GRIA4: variants seen among roughly 807,000 people sequenced by gnomAD.
GRIA4 encodes the protein glutamate ionotropic receptor AMPA type subunit 4, also known as glutamate receptor 4.
GRIA4 carries 34 observed loss-of-function variants against 104.0 expected under a neutral mutation model. The observed-to-expected ratio is 0.33, with a 90% CI of 0.25 to 0.44. The LOEUF (loss-of-function observed/expected upper bound fraction) is 0.44. Ranked by LOEUF, GRIA4 falls within the 20% of genes least tolerant of loss-of-function variation. The probability of loss-of-function intolerance (pLI) is 1.00; values close to 1 mark genes in which losing one functional copy is unlikely to be tolerated. For missense variants in GRIA4, 750 were observed against 1,096.5 expected, an observed-to-expected ratio of 0.68 and a Z score of 4.46; for synonymous variants, 386 against 381.9, an observed-to-expected ratio of 1.01 and a Z score of -0.13.
chr11:105,800,608 T>G (rs935772595), intron 4 of GRIA4, among the ~76,000 whole-genome samples: 2 of 152,056 alleles, frequency 1.3e-5, no homozygotes, highest in African/African-American at 4.8e-5. Context: ...AATTCAGACA[T>G]GACTAATCAA....
chr11:105,752,715 A>T (rs1940075995), intron 3 of GRIA4, among the ~76,000 whole-genome samples: 1 of 152,102 alleles, frequency 6.6e-6, no homozygotes, highest in Non-Finnish European at 1.5e-5. Context: ...ATTTTAGTCA[A>T]ATTTCCCTTT....
chr11:105,931,173 C>T (rs1301835572), intron 13 of GRIA4, among the ~76,000 whole-genome samples: 2 of 151,364 alleles, frequency 1.3e-5, no homozygotes, highest in Admixed American at 6.6e-5. Context: ...GATTTGGAAT[C>T]CAAGTACTCA....
intron 14 of GRIA4, among the ~76,000 whole-genome samples, chr11:105,957,563 C>G (rs1948623013): frequency 6.6e-6 from 1 of 152,076 alleles, no homozygotes; most frequent in Non-Finnish European, 1.5e-5. Flanking sequence ...CAGCTTTGTT[C>G]TTTTGGCTTA....
At chr11:105,686,621 CTGTTT>C (rs1391611332) in intron 3 of GRIA4, among the ~76,000 whole-genome samples, 1 of 152,104 alleles carries the variant, frequency 6.6e-6, no homozygotes, top group East Asian at 1.9e-4. Flanking sequence ...AATGGTAGCT[CTGTTT>C]TAAGTTTTTT....
chr11:105,925,622 T>C (rs1029512376), intron 12 of GRIA4, among the ~76,000 whole-genome samples: 1 of 152,078 alleles, frequency 6.6e-6, no homozygotes. Context: ...CCTAGGAAAA[T>C]TATAAATATG....
intron 4 of GRIA4, among the ~76,000 whole-genome samples, chr11:105,804,084 T>C (rs967242245): frequency 1.3e-5 from 2 of 152,000 alleles, no homozygotes; most frequent in Non-Finnish European, 2.9e-5. Flanking sequence ...TACCTACTTA[T>C]GCTTGATGCT....
At chr11:105,670,586 T>G (rs2135436092) in intron 3 of GRIA4, among the ~76,000 whole-genome samples, 1 of 152,284 alleles carries the variant, frequency 6.6e-6, no homozygotes, top group South Asian at 2.1e-4. Context: ...AAATCTTCAA[T>G]TCTAAATACC....
At position 105,786,567 on chromosome 11, in the gene GRIA4, C is replaced by T. The variant is rs578211009; in HGVS notation, c.487+33347C>T. Among the ~76,000 whole-genome samples, 41 of 152,170 alleles carry T rather than the reference C, an allele frequency of 2.7e-4. No individual in the cohort carries two copies. In the South Asian group the frequency reaches 5.4e-3, roughly 20 times the overall value. On this transcript the variant is annotated intron_variant, in intron 4 of 16. Coordinates refer to ENST00000282499, the MANE Select transcript of GRIA4 (RefSeq NM_000829.4). Reference sequence around the variant, plus strand: ...TTATATTATGTACTATGCTAGGTTCCGGGAATTAAAAGATAAATATTACAT... The same window carrying T: ...TTATATTATGTACTATGCTAGGTTCTGGGAATTAAAAGATAAATATTACAT...
At chr11:105,759,197 G>A (rs7126373) in intron 4 of GRIA4, among the ~76,000 whole-genome samples, 28,626 of 151,832 alleles carry the variant, frequency 0.19, 3,440 homozygotes, top group African/African-American at 0.33. Context: ...TAATATGTTA[G>A]TAATTCATCC....
chr11:105,702,441 A>T (rs535821484), intron 3 of GRIA4, among the ~76,000 whole-genome samples: 1 of 151,994 alleles, frequency 6.6e-6, no homozygotes, highest in Non-Finnish European at 1.5e-5. Context: ...AGAAAACCAA[A>T]TAAAATAAAA....
At chr11:105,710,311 T>C (rs1184332261) in intron 3 of GRIA4, among the ~76,000 whole-genome samples, 1 of 152,134 alleles carries the variant, frequency 6.6e-6, no homozygotes, top group East Asian at 1.9e-4. Context: ...GGCTATCTCT[T>C]TGTAGATTAG....
chr11:105,666,492 C>T (rs1952169007), intron 3 of GRIA4, among the ~76,000 whole-genome samples: 1 of 151,750 alleles, frequency 6.6e-6, no homozygotes, highest in Admixed American at 6.6e-5. Context: ...TCTGGAAAAC[C>T]TAATCTCTCT....
At chr11:105,747,429 G>C (rs1318069349) in intron 3 of GRIA4, among the ~76,000 whole-genome samples, 1 of 152,146 alleles carries the variant, frequency 6.6e-6, no homozygotes, top group Non-Finnish European at 1.5e-5. Context: ...AAATGTTTAA[G>C]ATGACTAAAC....
rs977477203 is a variant in GRIA4 at position 105,812,059 on chromosome 11, G to A, written c.488-49965G>A. Among the ~76,000 whole-genome samples, 9 of 152,242 alleles carry A rather than the reference G, an allele frequency of 5.9e-5. No homozygotes were observed. The South Asian group carries it at 6.2e-4, about 11-fold the overall frequency. ...CGGGTGCCTGGAAGGCTGGGAGAGTGCGAGCAGGAGAAAAGAAAACAGACA... is the reference window on the plus strand; with the variant it reads ...CGGGTGCCTGGAAGGCTGGGAGAGTACGAGCAGGAGAAAAGAAAACAGACA... On this transcript the variant is annotated intron_variant, in intron 4 of 16. Coordinates refer to ENST00000282499, the MANE Select transcript of GRIA4 (RefSeq NM_000829.4).
chr11:105,663,748 T>C (rs1451743520), intron 3 of GRIA4, among the ~76,000 whole-genome samples: 2 of 151,908 alleles, frequency 1.3e-5, no homozygotes, highest in South Asian at 2.1e-4. Context: ...AAACTTTATA[T>C]GGCTGGAAAG....
intron 3 of GRIA4, among the ~76,000 whole-genome samples, chr11:105,728,601 G>A (rs1028607192): frequency 5.9e-5 from 9 of 152,060 alleles, no homozygotes; most frequent in Non-Finnish European, 1.0e-4. Flanking sequence ...CGTATAATTG[G>A]AAGTAAAACA....
intron 3 of GRIA4, among the ~76,000 whole-genome samples, chr11:105,667,661 A>C (rs1952209793): frequency 6.6e-6 from 1 of 151,964 alleles, no homozygotes; most frequent in Admixed American, 6.6e-5. Context: ...CCTCTCATTT[A>C]TCTATTCTTT....
chr11:105,680,647 C>A (rs936457374), intron 3 of GRIA4, among the ~76,000 whole-genome samples: 1 of 151,968 alleles, frequency 6.6e-6, no homozygotes, highest in African/African-American at 2.4e-5. Context: ...AACTTCTGTG[C>A]TTTTTAAAAA....
chr11:105,680,735 T>A (rs1447514024), intron 3 of GRIA4, among the ~76,000 whole-genome samples: 1 of 152,040 alleles, frequency 6.6e-6, no homozygotes, highest in East Asian at 1.9e-4. Flanking sequence ...CCCAGTGAGG[T>A]TTCTCAGCTA....
Sources: allele counts gnomAD v4.1 joint callset (sites outside exome capture counted in the v4.1 genomes callset), GRCh38; gene constraint gnomAD v4.1.1; transcripts MANE v1.5; gene names NCBI Gene and HGNC (gene_info 2026-07-23, HGNC 2026-07-21).